Variants in CTNNA2 observed in about 807,000 individuals in gnomAD.
CTNNA2 encodes the protein catenin alpha 2.
In CTNNA2, 42 loss-of-function variants were observed where a neutral mutation model predicts 101.0. The observed-to-expected ratio is 0.42, with a 90% CI of 0.32 to 0.54. The LOEUF is 0.54. Among genes scored for constraint, CTNNA2 ranks in the 20% least tolerant of loss-of-function variants. The pLI, the probability that CTNNA2 is intolerant of heterozygous loss-of-function variation, is 0.14. For missense variants in CTNNA2, 871 were observed against 1,223.1 expected (o/e 0.71, Z 4.29); for synonymous variants, 450 against 456.4 (o/e 0.99, Z 0.18).
At chr2:79,676,872 C>T (rs1468764250) in intron 2 of CTNNA2, among the ~76,000 whole-genome samples, 1 of 152,028 alleles carries the variant, frequency 6.6e-6, no homozygotes, top group East Asian at 1.9e-4. Context: ...TTTCTTTTTC[C>T]CTAGAGCTTT....
At chr2:79,286,480 C>A (rs1234733515) in intron 2 of CTNNA2, among the ~76,000 whole-genome samples, 1 of 151,580 alleles carries the variant, frequency 6.6e-6, no homozygotes, top group Non-Finnish European at 1.5e-5. Flanking sequence ...ATTTGCTTGT[C>A]TGTAAAGTAT....
chr2:79,886,750 CAAAAAAAA>C (rs1168632966), intron 6 of CTNNA2, among the ~76,000 whole-genome samples: 65 of 23,240 alleles, frequency 2.8e-3, no homozygotes, highest in African/African-American at 0.012. Context: ...GACTCCATCT[CAAAAAAAA>C]AAAAAAAAAA....
At chr2:79,780,045 C>A (rs1674305459) in intron 3 of CTNNA2, among the ~76,000 whole-genome samples, 1 of 152,198 alleles carries the variant, frequency 6.6e-6, no homozygotes, top group South Asian at 2.1e-4. Flanking sequence ...AAACTTTGGT[C>A]TCCACAACCC....
chr2:79,782,966 C>CTTTTTTTTTTTTTT (rs36059702), intron 3 of CTNNA2, among the ~76,000 whole-genome samples: 1 of 145,976 alleles, frequency 6.9e-6, no homozygotes, highest in Non-Finnish European at 1.5e-5. Context: ...TCTTGACAGT[C>CTTTTTTTTTTTTTT]TTTTTTTTTT....
At chr2:80,372,918 A>T (rs996985444) in intron 7 of CTNNA2, among the ~76,000 whole-genome samples, 2 of 152,244 alleles carry the variant, frequency 1.3e-5, no homozygotes, top group African/African-American at 4.8e-5. Flanking sequence ...TAATTAGCAG[A>T]GACCAGGGAT....
chr2:80,450,090 CAAT>C (rs1683379129), intron 9 of CTNNA2, among the ~76,000 whole-genome samples: 1 of 152,126 alleles, frequency 6.6e-6, no homozygotes. Context: ...GTCACAGAAA[CAAT>C]AATATTTAAC....
At chr2:79,792,434 C>A (rs1675351116) in intron 3 of CTNNA2, among the ~76,000 whole-genome samples, 1 of 152,088 alleles carries the variant, frequency 6.6e-6, no homozygotes, top group South Asian at 2.1e-4. Flanking sequence ...GCCTTGTTGC[C>A]CCACAAAACT....
At chr2:80,441,417 T>C (rs1052508503) in intron 9 of CTNNA2, among the ~76,000 whole-genome samples, 1 of 152,166 alleles carries the variant, frequency 6.6e-6, no homozygotes, top group Non-Finnish European at 1.5e-5. Context: ...CAGTTTAAGG[T>C]CAACATATGA....
In CTNNA2 at chr2:80,303,950, C is replaced by T. The variant is rs550068717; in HGVS notation, c.1057-89261C>T. ...AAAAGGGCAAAAAATCAAATAAATA[C>T]ATAGAAATAAAGAAGGACCCCCCTC... On this transcript the variant is annotated intron_variant, in intron 7 of 18. Coordinates refer to ENST00000402739, the MANE Select transcript of CTNNA2 (RefSeq NM_001282597.3). The surrounding 1 kb of genome is among the most constrained non-coding windows in gnomAD (Gnocchi z 7.7). 2.1e-4 allele frequency: 232 copies of T among 1,129,642 alleles called. No individual in the cohort carries two copies. Among genetic ancestry groups the T allele is most frequent in the African/African-American group, 1.7e-3 (107 of 63,414 alleles). The allele number at this position is 1,129,642 out of a possible 1,614,324, so 70.0% of individuals were successfully genotyped here.
chr2:79,566,692 T>A (rs1675136496), intron 1 of CTNNA2, among the ~76,000 whole-genome samples: 1 of 152,124 alleles, frequency 6.6e-6, no homozygotes, highest in Non-Finnish European at 1.5e-5. Flanking sequence ...TGAAAAAATG[T>A]AACTGGAAAA....
chr2:80,416,480 CA>C (rs1166413490), intron 8 of CTNNA2, among the ~76,000 whole-genome samples: 1 of 152,034 alleles, frequency 6.6e-6, no homozygotes, highest in Non-Finnish European at 1.5e-5. Flanking sequence ...TCCTGGTTAG[CA>C]AGGACATAGG....
At chr2:80,576,715 G>A (rs555210852) in intron 13 of CTNNA2, among the ~76,000 whole-genome samples, 5 of 147,468 alleles carry the variant, frequency 3.4e-5, no homozygotes, top group Non-Finnish European at 5.9e-5. Context: ...TGGGGGAGCC[G>A]AGGCAGGTGG....
chr2:79,354,550 A>G (rs540395746), intron 3 of CTNNA2, among the ~76,000 whole-genome samples: 1 of 152,224 alleles, frequency 6.6e-6, no homozygotes, highest in South Asian at 2.1e-4. Context: ...CTCTCTTAAA[A>G]TAGCTATTTT....
intron 7 of CTNNA2, among the ~76,000 whole-genome samples, chr2:80,201,549 A>AT (rs1222157460): frequency 4.0e-5 from 6 of 150,958 alleles, no homozygotes; most frequent in Admixed American, 6.6e-5. Flanking sequence ...AAATTTGTGT[A>AT]TTTTTTTAGT....
intron 1 of CTNNA2, among the ~76,000 whole-genome samples, chr2:79,194,630 C>T (rs545494508): frequency 6.6e-6 from 1 of 152,176 alleles, no homozygotes; most frequent in Non-Finnish European, 1.5e-5. Context: ...TTGCTAACCA[C>T]CAGGGCAGAT....
chr2:79,918,086 T>C (rs1374802058), intron 7 of CTNNA2, among the ~76,000 whole-genome samples: 2 of 146,164 alleles, frequency 1.4e-5, no homozygotes, highest in African/African-American at 2.6e-5. Flanking sequence ...GTTGCCTTCA[T>C]TGCGGTGAAA....
intron 2 of CTNNA2, among the ~76,000 whole-genome samples, chr2:79,215,432 AG>A (rs1159836979): frequency 3.3e-5 from 5 of 152,174 alleles, no homozygotes; most frequent in Non-Finnish European, 7.3e-5. Flanking sequence ...GGCTGCCTCT[AG>A]TCTATTATTG....
intron 3 of CTNNA2, among the ~76,000 whole-genome samples, chr2:79,326,603 G>T (rs1433839724): frequency 1.3e-5 from 2 of 152,028 alleles, no homozygotes; most frequent in African/African-American, 2.4e-5. Context: ...TTAAATTGAG[G>T]TACAAAAATT....
intron 4 of CTNNA2, among the ~76,000 whole-genome samples, chr2:79,447,698 A>C (rs917117870): frequency 1.3e-5 from 2 of 152,048 alleles, no homozygotes; most frequent in Non-Finnish European, 2.9e-5. Flanking sequence ...AAAAGGGAGC[A>C]TGAGCCCTAC....
Sources: allele counts gnomAD v4.1 joint callset (sites outside exome capture counted in the v4.1 genomes callset), GRCh38; gene constraint gnomAD v4.1.1; non-coding constraint Gnocchi (gnomAD v3.1); transcripts MANE v1.5; gene names NCBI Gene and HGNC (gene_info 2026-07-23, HGNC 2026-07-21).